Variants in NKAIN2 observed in about 807,000 individuals in gnomAD.
NKAIN2 encodes the protein sodium/potassium transporting ATPase interacting 2, also known as sodium/potassium-transporting ATPase subunit beta-1-interacting protein 2.
A neutral mutation model predicts 32.6 loss-of-function variants in NKAIN2; 14 were observed. The observed-to-expected ratio is 0.43, with a 90% CI of 0.28 to 0.67. NKAIN2 has a LOEUF of 0.67. NKAIN2 is among the 30% of genes least tolerant of loss of function. The pLI is 0.17. For missense variants in NKAIN2, 198 were observed against 258.3 expected, an observed-to-expected ratio of 0.77 and a Z score of 1.60; for synonymous variants, 80 against 87.2, an observed-to-expected ratio of 0.92 and a Z score of 0.46.
rs188170240 is a variant in NKAIN2, at chr6:124,200,369, C to T, written c.55-82636C>T. On this transcript the variant is annotated intron_variant, in intron 1 of 6. Coordinates refer to ENST00000368417, the MANE Select transcript of NKAIN2 (RefSeq NM_001040214.3). ...TGTCTATATGGGATAAGGAGTAAAG[C>T]GCAGGAAATGTACTGCTCTAGGCAA... Among the ~76,000 whole-genome samples the T allele has an allele frequency of 1.1e-3, 170 of 152,168 alleles. 1 individual carries two copies. Among genetic ancestry groups the T allele is most frequent in the African/African-American group, 3.9e-3 (164 of 41,552 alleles).
At chr6:124,216,929 G>A (rs2758835) in intron 1 of NKAIN2, among the ~76,000 whole-genome samples, 87,665 of 151,952 alleles carry the variant, frequency 0.58, 27,845 homozygotes, top group South Asian at 0.72. Context: ...TGCAGCCAAT[G>A]TGTAGAACAT....
chr6:124,006,605 C>A (rs1219907099), intron 1 of NKAIN2, among the ~76,000 whole-genome samples: 2 of 152,176 alleles, frequency 1.3e-5, no homozygotes, highest in Non-Finnish European at 2.9e-5. Flanking sequence ...CTCCTCTTTT[C>A]TCTGTGACCC....
intron 3 of NKAIN2, among the ~76,000 whole-genome samples, chr6:124,409,987 G>A (rs540261972): frequency 8.4e-4 from 128 of 152,272 alleles, no homozygotes; most frequent in African/African-American, 3.0e-3. Flanking sequence ...GCATAGAGGT[G>A]TTTATAGTAT....
At chr6:124,468,356 C>A (rs1776843300) in intron 3 of NKAIN2, among the ~76,000 whole-genome samples, 1 of 151,894 alleles carries the variant, frequency 6.6e-6, no homozygotes, top group African/African-American at 2.4e-5. Flanking sequence ...GATTATATAC[C>A]CCATCCTTTC....
At chr6:124,426,103 C>T (rs1010975855) in intron 3 of NKAIN2, among the ~76,000 whole-genome samples, 1 of 152,166 alleles carries the variant, frequency 6.6e-6, no homozygotes, top group African/African-American at 2.4e-5. Flanking sequence ...GAATATGTAG[C>T]TGATTGTATT....
chr6:124,550,444 T>A (rs1387249277), intron 3 of NKAIN2, among the ~76,000 whole-genome samples: 1 of 152,158 alleles, frequency 6.6e-6, no homozygotes, highest in African/African-American at 2.4e-5. Context: ...CCACAGATGC[T>A]CATCTTCTAT....
chr6:124,533,995 A>G (rs1435280226), intron 3 of NKAIN2, among the ~76,000 whole-genome samples: 1 of 152,204 alleles, frequency 6.6e-6, no homozygotes, highest in East Asian at 1.9e-4. Flanking sequence ...CCAAAGATCC[A>G]CTTCCTGATG....
At chr6:124,307,757 G>A (rs1436535952) in intron 2 of NKAIN2, among the ~76,000 whole-genome samples, 1 of 152,064 alleles carries the variant, frequency 6.6e-6, no homozygotes, top group Non-Finnish European at 1.5e-5. Context: ...TTTAAAAAAT[G>A]AAAGCAAGAG....
At position 123,886,389 on chromosome 6, in the gene NKAIN2, C is replaced by T. The variant is rs185777540; in HGVS notation, c.54+82135C>T. ...GTGATATTGAAGAATAGTAAAGAAGCACACCCAGTACATAGTGTTAAATAA... is the reference window on the plus strand; with the variant it reads ...GTGATATTGAAGAATAGTAAAGAAGTACACCCAGTACATAGTGTTAAATAA... On this transcript the variant is annotated intron_variant, in intron 1 of 6. Coordinates refer to ENST00000368417, the MANE Select transcript of NKAIN2 (RefSeq NM_001040214.3). Among the ~76,000 whole-genome samples, 225 of 152,116 alleles carry T rather than the reference C, an allele frequency of 1.5e-3. 4 individuals are homozygous for T. Among genetic ancestry groups the T allele is most frequent in the Admixed American group, 0.012 (185 of 15,280 alleles).
At position 124,428,316 on chromosome 6, in the gene NKAIN2, C is replaced by A. The variant is rs188083370; in HGVS notation, c.273+72969C>A. On this transcript the variant is annotated intron_variant, in intron 3 of 6. Transcript: ENST00000368417. Reference sequence around the variant, plus strand: ...GAGCTGGAGACATGTTTCACCCCAACCCCAGATTGCTGGAAATAACTAGGA... The same window carrying A: ...GAGCTGGAGACATGTTTCACCCCAAACCCAGATTGCTGGAAATAACTAGGA... Among the ~76,000 whole-genome samples the A allele has an allele frequency of 2.6e-5, 4 of 152,182 alleles. No individual in the cohort carries two copies. In the South Asian group the frequency reaches 6.2e-4, roughly 24 times the overall value.
At chr6:124,413,622 T>A (rs989375287) in intron 3 of NKAIN2, among the ~76,000 whole-genome samples, 2 of 152,200 alleles carry the variant, frequency 1.3e-5, no homozygotes, top group African/African-American at 4.8e-5. Context: ...GCACTAAAGC[T>A]ATCAGTAAAG....
chr6:124,164,920 T>G (rs925039059), intron 1 of NKAIN2, among the ~76,000 whole-genome samples: 2 of 152,100 alleles, frequency 1.3e-5, no homozygotes, highest in Non-Finnish European at 2.9e-5. Flanking sequence ...CATGGTACAT[T>G]TGTGACAGAA....
At chr6:123,809,763 G>A (rs1322416593) in intron 1 of NKAIN2, among the ~76,000 whole-genome samples, 1 of 151,980 alleles carries the variant, frequency 6.6e-6, no homozygotes, top group East Asian at 1.9e-4. Flanking sequence ...CTAGCTTATA[G>A]GAATATTCTA....
chr6:124,040,854 C>T (rs942908278), intron 1 of NKAIN2, among the ~76,000 whole-genome samples: 2 of 151,894 alleles, frequency 1.3e-5, no homozygotes, highest in African/African-American at 4.8e-5. Flanking sequence ...AGTAGTAAGT[C>T]ATTACCACAG....
At chr6:124,430,192 AAAAAT>A (rs1775155488) in intron 3 of NKAIN2, among the ~76,000 whole-genome samples, 1 of 152,216 alleles carries the variant, frequency 6.6e-6, no homozygotes, top group African/African-American at 2.4e-5. Flanking sequence ...TGTCAACTAA[AAAAAT>A]AAAGTCCTCT....
intron 1 of NKAIN2, among the ~76,000 whole-genome samples, chr6:124,087,979 A>G (rs904948825): frequency 1.3e-5 from 2 of 152,024 alleles, no homozygotes; most frequent in Non-Finnish European, 2.9e-5. Flanking sequence ...TACTACAACT[A>G]TTAGAGAGTG....
intron 1 of NKAIN2, among the ~76,000 whole-genome samples, chr6:124,104,364 A>T (rs1420346573): frequency 6.6e-6 from 1 of 152,110 alleles, no homozygotes; most frequent in East Asian, 1.9e-4. Context: ...GTGGTAGTTG[A>T]TGATGATGAT....
intron 3 of NKAIN2, among the ~76,000 whole-genome samples, chr6:124,440,805 A>G (rs1775655954): frequency 6.6e-6 from 1 of 152,032 alleles, no homozygotes; most frequent in Non-Finnish European, 1.5e-5. Flanking sequence ...TGGTAGAAGT[A>G]TGTTCTCTCT....
intron 3 of NKAIN2, among the ~76,000 whole-genome samples, chr6:124,394,687 G>T (rs1289411274): frequency 1.3e-5 from 2 of 151,750 alleles, no homozygotes; most frequent in Non-Finnish European, 2.9e-5. Context: ...CAGGTCAGCG[G>T]TCAGAAGGAG....
Sources: allele counts gnomAD v4.1 joint callset (sites outside exome capture counted in the v4.1 genomes callset), GRCh38; gene constraint gnomAD v4.1.1; transcripts MANE v1.5; gene names NCBI Gene and HGNC (gene_info 2026-07-23, HGNC 2026-07-21).